Variants in ZCCHC7 observed in about 807,000 individuals in gnomAD.
The protein encoded by ZCCHC7 is zinc finger CCHC domain-containing protein 7.
A neutral mutation model predicts 52.0 loss-of-function variants in ZCCHC7; 35 were observed. That is an observed-to-expected ratio of 0.67 (90% CI 0.51 to 0.89). The LOEUF (loss-of-function observed/expected upper bound fraction) is 0.89, where lower values mean the gene tolerates loss of function less well. ZCCHC7 is among the 40% of genes least tolerant of loss of function. ZCCHC7 has a pLI of 0.00. For missense variants in ZCCHC7, 574 were observed against 649.1 expected (o/e 0.88, Z 1.26); for synonymous variants, 217 against 221.5 (o/e 0.98, Z 0.18).
At chr9:37,255,038 A>T (rs931153725) in intron 2 of ZCCHC7, among the ~76,000 whole-genome samples, 17 of 151,896 alleles carry the variant, frequency 1.1e-4, no homozygotes, top group African/African-American at 4.1e-4. Context: ...TCTTTAGGGA[A>T]TACATTCCAG....
At chr9:37,268,888 G>GGGAT (rs1827249697) in intron 2 of ZCCHC7, among the ~76,000 whole-genome samples, 1 of 152,202 alleles carries the variant, frequency 6.6e-6, no homozygotes, top group African/African-American at 2.4e-5. Flanking sequence ...TGCTATGTTA[G>GGGAT]GGATAAGAAG....
In ZCCHC7 at chr9:37,272,241, G is replaced by C. The variant is rs1827452825; in HGVS notation, c.611-29947G>C. Among the ~76,000 whole-genome samples the C allele has an allele frequency of 7.2e-5, 11 of 152,212 alleles. No individual in the cohort carries two copies. In the South Asian group the frequency reaches 2.3e-3, roughly 32 times the overall value. ...TTCATAAATATCTGCTGGGCCTGGT[G>C]ATTTGACCAGTAAATGGGATTTATC... On this transcript the variant is annotated intron_variant, in intron 2 of 8. Coordinates refer to ENST00000336755, the MANE Select transcript of ZCCHC7 (RefSeq NM_032226.3).
chr9:37,295,445 A>G (rs1454823738), intron 2 of ZCCHC7, among the ~76,000 whole-genome samples: 2 of 152,228 alleles, frequency 1.3e-5, no homozygotes, highest in Non-Finnish European at 2.9e-5. Flanking sequence ...ATTCACATTT[A>G]TATTTTAGAA....
intron 8 of ZCCHC7, 64 bp from the exon 9 acceptor site, chr9:37,356,769 ACT>A: frequency 1.4e-6 from 2 of 1,428,216 alleles, no homozygotes; most frequent in Non-Finnish European, 1.9e-6. Flanking sequence ...AGTTATTTAC[ACT>A]TAGGAAAGCT....
intron 2 of ZCCHC7, among the ~76,000 whole-genome samples, chr9:37,268,439 T>A (rs1827220473): frequency 6.6e-6 from 1 of 151,408 alleles, no homozygotes; most frequent in Admixed American, 6.6e-5. Context: ...TTCTATTTTT[T>A]TTTTTGAGAC....
chr9:37,121,949 C>T (rs565805809), intron 1 of ZCCHC7, among the ~76,000 whole-genome samples: 14 of 152,272 alleles, frequency 9.2e-5, no homozygotes, highest in South Asian at 6.2e-4. Context: ...ACCCTTTAGA[C>T]AATTGTGTTT....
chr9:37,300,306 A>G (rs931710270), intron 2 of ZCCHC7, among the ~76,000 whole-genome samples: 1 of 152,216 alleles, frequency 6.6e-6, no homozygotes, highest in Non-Finnish European at 1.5e-5. Flanking sequence ...TCAAGTGGTC[A>G]TTTTGAATTT....
Position 37,350,329 on chromosome 9 carries a change from A to C in ZCCHC7, c.1083+877A>C, listed in dbSNP as rs559528104. On this transcript the variant is annotated intron_variant, in intron 7 of 8. Coordinates refer to ENST00000336755, the MANE Select transcript of ZCCHC7 (RefSeq NM_032226.3). ...ATTTTTTTAGTAGAAATGAGGTTCC[A>C]CCATGTTAGCCAGGCTGGTCTCGAA... Among the ~76,000 whole-genome samples, 8 of 151,600 alleles carry C rather than the reference A, an allele frequency of 5.3e-5. No individual in the cohort carries two copies. In the East Asian group the frequency reaches 1.5e-3, roughly 29 times the overall value.
intron 2 of ZCCHC7, among the ~76,000 whole-genome samples, chr9:37,197,927 T>A (rs1391923078): frequency 6.6e-6 from 1 of 152,156 alleles, no homozygotes; most frequent in African/African-American, 2.4e-5. Context: ...ACTGTCATCA[T>A]GAATAATTGT....
At chr9:37,205,944 C>T (rs529327774) in intron 2 of ZCCHC7, among the ~76,000 whole-genome samples, 1 of 149,856 alleles carries the variant, frequency 6.7e-6, no homozygotes, top group Admixed American at 6.6e-5. Flanking sequence ...AAGCCCTATT[C>T]TTAGGAGTAT....
chr9:37,278,230 G>A (rs1207085403), intron 2 of ZCCHC7, among the ~76,000 whole-genome samples: 2 of 151,916 alleles, frequency 1.3e-5, no homozygotes, highest in East Asian at 3.9e-4. Context: ...TGACTGACAA[G>A]GATTTTAAAG....
chr9:37,336,960 C>T (rs984662622), intron 6 of ZCCHC7, among the ~76,000 whole-genome samples: 2 of 152,024 alleles, frequency 1.3e-5, no homozygotes, highest in East Asian at 3.9e-4. Context: ...ACCCTGTCAC[C>T]GATCCCGCAT....
At chr9:37,346,977 C>T (rs1044974867) in intron 6 of ZCCHC7, among the ~76,000 whole-genome samples, 3 of 151,996 alleles carry the variant, frequency 2.0e-5, no homozygotes, top group Non-Finnish European at 4.4e-5. Flanking sequence ...CCTTGGGCAA[C>T]AGGGGAAGAC....
intron 8 of ZCCHC7, among the ~76,000 whole-genome samples, chr9:37,355,544 T>C (rs528269904): frequency 1.8e-4 from 28 of 152,306 alleles, no homozygotes; most frequent in Admixed American, 4.6e-4. Context: ...CTGAGGAAAA[T>C]AGAGTTATTA....
chr9:37,227,550 A>G (rs1449722748), intron 2 of ZCCHC7, among the ~76,000 whole-genome samples: 1 of 152,202 alleles, frequency 6.6e-6, no homozygotes, highest in African/African-American at 2.4e-5. Context: ...TTCTAAATAT[A>G]TACCTTACCA....
chr9:37,216,255 A>G (rs1248223688), intron 2 of ZCCHC7, among the ~76,000 whole-genome samples: 1 of 152,232 alleles, frequency 6.6e-6, no homozygotes, highest in African/African-American at 2.4e-5. Flanking sequence ...AGCCACAGAA[A>G]AATGTTTGTG....
chr9:37,290,422 A>C (rs549801447), intron 2 of ZCCHC7, among the ~76,000 whole-genome samples: 1 of 152,250 alleles, frequency 6.6e-6, no homozygotes, highest in South Asian at 2.1e-4. Context: ...TTTGGAGACC[A>C]AGGCGGGTGA....
At chr9:37,286,625 G>C (rs1001073547) in intron 2 of ZCCHC7, among the ~76,000 whole-genome samples, 1 of 151,620 alleles carries the variant, frequency 6.6e-6, no homozygotes, top group Admixed American at 6.6e-5. Context: ...CTCCAGCCTA[G>C]GCAAATGAGT....
chr9:37,356,365 G>A (rs1210608180), intron 8 of ZCCHC7, among the ~76,000 whole-genome samples: 3 of 152,226 alleles, frequency 2.0e-5, no homozygotes, highest in Non-Finnish European at 4.4e-5. Context: ...TACCCTGGAG[G>A]AATAATCTCT....
Sources: allele counts gnomAD v4.1 joint callset (sites outside exome capture counted in the v4.1 genomes callset), GRCh38; gene constraint gnomAD v4.1.1; transcripts MANE v1.5; gene names NCBI Gene and HGNC (gene_info 2026-07-23, HGNC 2026-07-21).